TRPM6: variants seen among roughly 807,000 people sequenced by gnomAD.
TRPM6 encodes transient receptor potential cation channel subfamily M member 6, also known as channel kinase 2.
TRPM6 carries 111 observed loss-of-function variants against 247.6 expected under a neutral mutation model. The ratio of observed to expected loss-of-function variants is 0.45; its 90% confidence interval spans 0.38 to 0.52. The LOEUF is 0.52. TRPM6 is among the 20% of genes least tolerant of loss of function. The probability of loss-of-function intolerance (pLI) is 0.00; values close to 1 mark genes in which losing one functional copy is unlikely to be tolerated. For missense variants in TRPM6, 2,126 were observed against 2,421.5 expected (o/e 0.88, Z 2.56); for synonymous variants, 892 against 853.8 (o/e 1.04, Z -0.78).
chr9:74,797,296 T>C (rs1416720147), intron 17 of TRPM6, among the ~76,000 whole-genome samples: 1 of 152,184 alleles, frequency 6.6e-6, no homozygotes, highest in African/African-American at 2.4e-5. Flanking sequence ...CAAATTACAG[T>C]TACCTCTTGG....
intron 27 of TRPM6, 55 bp downstream of exon 27, chr9:74,761,641 T>G (rs925731372): frequency 1.9e-6 from 2 of 1,036,556 alleles, no homozygotes; most frequent in Non-Finnish European, 1.5e-6. Flanking sequence ...CAAACTAAGA[T>G]AGGCCACTAC....
intron 3 of TRPM6, among the ~76,000 whole-genome samples, chr9:74,848,184 C>A (rs111286644): frequency 6.6e-6 from 1 of 152,324 alleles, no homozygotes; most frequent in South Asian, 2.1e-4. Context: ...TTATTCTTAG[C>A]TTATTAAGCT....
Position 74,796,881 on chromosome 9 carries a change from T to A in TRPM6, c.2251A>T (p.Ile751Phe). Residue 751 changes from isoleucine (I) to phenylalanine (F), a missense_variant, in exon 18 of 39, where the codon ATT becomes TTT. By Grantham distance (21) the Ile-to-Phe change is conservative (BLOSUM62 0). This residue lies in a region of TRPM6 where 1,082 missense variants were observed against 1,307.9 expected (regional missense o/e 0.83). Coordinates refer to ENST00000360774, the MANE Select transcript of TRPM6 (RefSeq NM_017662.5). ...KNSWLKIIISIILPPTILTLE... is the reference protein window; with the variant it reads ...KNSWLKIIISFILPPTILTLE... ...GTCAAAATGGTGGGTGGTAAAATAATGCTTATAATAATCTGTAAAAGAAAA... is the reference window on the plus strand; with the variant it reads ...GTCAAAATGGTGGGTGGTAAAATAAAGCTTATAATAATCTGTAAAAGAAAA... The A allele has an allele frequency of 6.2e-7, 1 of 1,613,748 alleles. No homozygotes were observed. The highest frequency in any genetic ancestry group is 8.5e-7 in the Non-Finnish European group (1 of 1,179,750).
intron 3 of TRPM6, among the ~76,000 whole-genome samples, chr9:74,851,763 A>AATAT (rs1554727694): frequency 1.2e-4 from 17 of 138,506 alleles, no homozygotes; most frequent in African/African-American, 3.2e-4. Flanking sequence ...AAAAAAAAAA[A>AATAT]ATATATATAT....
chr9:74,796,858 C>A lies in TRPM6; in HGVS notation c.2274G>T (p.Leu758Phe). Residue 758 changes from leucine (L) to phenylalanine (F), a missense_variant, in exon 18 of 39, where the codon TTG becomes TTT. By Grantham distance (22) the Leu-to-Phe change is conservative (BLOSUM62 0). Transcript: ENST00000360774. ...IISIILPPTI[L>F]TLEFKSKAEM... is the part of the protein sequence containing the mutation. ...CAGCTTTGCTTTTAAATTCCAGTGT[C>A]AAAATGGTGGGTGGTAAAATAATGC... The A allele has an allele frequency of 2.5e-6, 4 of 1,613,488 alleles. No individual in the cohort carries two copies. Among genetic ancestry groups the A allele is most frequent in the Non-Finnish European group, 3.4e-6 (4 of 1,179,740 alleles).
chr9:74,816,845 T>G (rs765349685), intron 10 of TRPM6, 47 bp downstream of exon 10: 1 of 1,609,486 alleles, frequency 6.2e-7, no homozygotes, highest in South Asian at 1.1e-5. Context: ...CTGTGGAACA[T>G]GAGAAGCGTA....
chr9:74,808,740 A>G (rs923365813), intron 13 of TRPM6, among the ~76,000 whole-genome samples: 4 of 152,240 alleles, frequency 2.6e-5, no homozygotes, highest in African/African-American at 9.6e-5. Flanking sequence ...TGACTACATC[A>G]TATGTAAAAC....
intron 32 of TRPM6, 121 bp downstream of exon 32, chr9:74,743,974 C>T: frequency 1.0e-6 from 1 of 969,938 alleles, no homozygotes; most frequent in Non-Finnish European, 1.6e-6. Context: ...TCAAAGTGAA[C>T]AATAACTTTT....
Position 74,739,347 on chromosome 9 carries a change from A to G in TRPM6, c.5570+20T>C. 1 of 1,609,548 alleles carries G rather than the reference A, an allele frequency of 6.2e-7. No individual in the cohort carries two copies. Among genetic ancestry groups the G allele is most frequent in the Non-Finnish European group, 8.5e-7 (1 of 1,175,846 alleles). On this transcript the variant is annotated intron_variant, in intron 35 of 38. Transcript: ENST00000360774. ...AATTCCTACTTGAAACAAAGGGCCA[A>G]GGTGCCAAGATTTTCTTACCTTGGT...
intron 2 of TRPM6, among the ~76,000 whole-genome samples, chr9:74,858,243 C>T (rs547745016): frequency 2.6e-5 from 4 of 152,204 alleles, no homozygotes; most frequent in Non-Finnish European, 4.4e-5. Flanking sequence ...TAAAATTAGC[C>T]GGACGTGGTG....
chr9:74,884,772 A>G (rs907013007), intron 1 of TRPM6, among the ~76,000 whole-genome samples: 1 of 152,208 alleles, frequency 6.6e-6, no homozygotes, highest in East Asian at 1.9e-4. Flanking sequence ...AAGGAAAAAA[A>G]CATATTCAAT....
intron 1 of TRPM6, among the ~76,000 whole-genome samples, chr9:74,883,432 G>C (rs1051621307): frequency 6.6e-6 from 1 of 152,120 alleles, no homozygotes; most frequent in Non-Finnish European, 1.5e-5. Context: ...CAGTTTCATC[G>C]AGAAGCATCT....
Position 74,762,895 on chromosome 9 carries a change from G to T in TRPM6, c.3776C>A (p.Ala1259Glu), listed in dbSNP as rs1255744694. 6.2e-7 allele frequency: 1 copy of T among 1,610,432 alleles called. No homozygotes were observed. Among genetic ancestry groups the T allele is most frequent in the African/African-American group, 1.3e-5 (1 of 74,802 alleles). ...LPHSWSNVIC[A>E]EVLGSMEIAG... ...GATCTCCATGCTGCCTAGAACCTCT[G>T]CACAGATGACATTGCTCCAGCTGTG... Residue 1259 changes from alanine to glutamate, a missense_variant, in exon 26 of 39, where the codon GCA becomes GAA. Around this residue, in one of 3 missense-constraint regions of TRPM6, gnomAD observed 717 missense variants for 715.9 expected, o/e 1.00. Transcript: ENST00000360774.
intron 1 of TRPM6, among the ~76,000 whole-genome samples, chr9:74,868,496 AAAAATAAAATAAAAT>A (rs754868694): frequency 2.6e-5 from 4 of 152,112 alleles, no homozygotes; most frequent in African/African-American, 4.8e-5. Flanking sequence ...CTCCATCTCA[AAAAATAAAATAAAAT>A]AAAATAAAAT....
intron 2 of TRPM6, among the ~76,000 whole-genome samples, chr9:74,858,382 C>A (rs891471263): frequency 1.2e-3 from 17 of 14,216 alleles, no homozygotes; most frequent in African/African-American, 6.7e-3. Context: ...AGCGAGACTT[C>A]GTCTCAAAAA....
intron 27 of TRPM6, among the ~76,000 whole-genome samples, chr9:74,757,152 T>C (rs1826453869): frequency 6.6e-6 from 1 of 151,554 alleles, no homozygotes. Flanking sequence ...CACTCCAGCC[T>C]ACACGACAGA....
intron 1 of TRPM6, among the ~76,000 whole-genome samples, chr9:74,882,820 A>G (rs760343492): frequency 6.6e-6 from 1 of 152,238 alleles, no homozygotes; most frequent in Non-Finnish European, 1.5e-5. Context: ...AAAGCCCACT[A>G]CAAAGGAGTC....
chr9:74,851,160 C>T (rs1830298146), intron 3 of TRPM6, among the ~76,000 whole-genome samples: 1 of 151,886 alleles, frequency 6.6e-6, no homozygotes, highest in Non-Finnish European at 1.5e-5. Context: ...AACAGACCTC[C>T]AAAATTAAAA....
chr9:74,741,447 CT>C (rs1825860757), intron 33 of TRPM6, among the ~76,000 whole-genome samples: 1 of 152,058 alleles, frequency 6.6e-6, no homozygotes, highest in Admixed American at 6.6e-5. Flanking sequence ...TCAGTAACAA[CT>C]TTTCAAACCT....
Sources: gnomAD v4.1 joint callset for allele counts (sites outside exome capture counted in the v4.1 genomes callset) on GRCh38, gnomAD v4.1.1 for gene constraint, gnomAD v4.1.1 regional missense constraint, MANE v1.5 for transcripts, NCBI Gene and HGNC (gene_info 2026-07-23, HGNC 2026-07-21) for gene names.